Variants in CYTH1 observed in about 807,000 individuals in gnomAD.
CYTH1 encodes the protein cytohesin 1.
In CYTH1, 18 loss-of-function variants were observed where a neutral mutation model predicts 61.8. The ratio of observed to expected loss-of-function variants is 0.29; its 90% CI spans 0.20 to 0.43. The LOEUF is 0.43. CYTH1 is among the 20% of genes least tolerant of loss of function. The pLI is 1.00. For synonymous variants in CYTH1, 174 were observed against 184.3 expected (o/e 0.94, Z 0.45); for missense variants, 336 against 510.5 (o/e 0.66, Z 3.29).
intron 1 of CYTH1, among the ~76,000 whole-genome samples, chr17:78,744,502 T>G (rs1049338388): frequency 2.6e-5 from 4 of 152,204 alleles, no homozygotes; most frequent in Non-Finnish European, 4.4e-5. Context: ...CAAAGACTTG[T>G]CCAGCCTCTG....
chr17:78,764,495 T>C (rs1012660542), intron 1 of CYTH1, among the ~76,000 whole-genome samples: 4 of 152,088 alleles, frequency 2.6e-5, no homozygotes, highest in Admixed American at 6.6e-5. Flanking sequence ...TACTGAAATC[T>C]CTGAATGCAT....
At position 78,693,323 on chromosome 17, in the gene CYTH1, A is replaced by G. The variant is rs967854757; in HGVS notation, c.815-830T>C. On this transcript the variant is annotated intron_variant, in intron 10 of 13. Coordinates refer to ENST00000446868, the MANE Select transcript of CYTH1 (RefSeq NM_004762.6). ...TTGGTTCTTTTTAGTATTTCTCAGC[A>G]CAAAACACTGGGGTCATGGCTAGGC... is the stretch of plus-strand genomic sequence containing the variant. Among the ~76,000 whole-genome samples, 6 of 152,244 alleles carry G rather than the reference A, an allele frequency of 3.9e-5. No individual in the cohort carries two copies. The East Asian group carries it at 9.7e-4, about 25-fold the overall frequency.
intron 2 of CYTH1, chr17:78,709,223 G>A (rs895323914): frequency 3.6e-5 from 6 of 166,568 alleles, no homozygotes; most frequent in African/African-American, 1.2e-4. Flanking sequence ...AGAAACTGAA[G>A]TTCAAGGAAC....
At chr17:78,732,733 A>C (rs544154520) in intron 1 of CYTH1, among the ~76,000 whole-genome samples, 1 of 152,296 alleles carries the variant, frequency 6.6e-6, no homozygotes, top group Admixed American at 6.5e-5. Context: ...CTTCCTGCAA[A>C]CACCACAACC....
intron 6 of CYTH1, among the ~76,000 whole-genome samples, chr17:78,701,115 T>C (rs1455915885): frequency 2.0e-5 from 3 of 152,194 alleles, no homozygotes; most frequent in African/African-American, 7.2e-5. Context: ...AAGATTGTCT[T>C]GTCAAAGCAT....
At chr17:78,683,737 G>C (rs940977206) in intron 11 of CYTH1, among the ~76,000 whole-genome samples, 10 of 152,320 alleles carry the variant, frequency 6.6e-5, no homozygotes, top group Admixed American at 5.9e-4. Flanking sequence ...TGGGTGGTGG[G>C]GACAGGCCCT....
intron 11 of CYTH1, among the ~76,000 whole-genome samples, chr17:78,683,650 C>G (rs2092786510): frequency 6.6e-6 from 1 of 152,232 alleles, no homozygotes; most frequent in Non-Finnish European, 1.5e-5. Flanking sequence ...ATGCCCCCAC[C>G]TTCAACTGGG....
At chr17:78,696,692 T>C (rs534293322) in intron 9 of CYTH1, 1 of 152,400 alleles carries the variant, frequency 6.6e-6, no homozygotes, top group Non-Finnish European at 1.5e-5. Context: ...TTTTCTCTTT[T>C]TTAAAATACG....
At chr17:78,682,793 G>A (rs2092776937) in intron 11 of CYTH1, among the ~76,000 whole-genome samples, 1 of 152,184 alleles carries the variant, frequency 6.6e-6, no homozygotes, top group Non-Finnish European at 1.5e-5. Flanking sequence ...GCCGTCCTCT[G>A]TGTCCTCAGT....
At position 78,780,840 on chromosome 17, in the gene CYTH1, C is replaced by T. The variant is rs1051394180; in HGVS notation, c.22+1362G>A. 2.0e-5 allele frequency among the ~76,000 whole-genome samples: 3 copies of T among 152,084 alleles called. No individual in the cohort carries two copies. In the East Asian group the frequency reaches 5.8e-4, roughly 29 times the overall value. On this transcript the variant is annotated intron_variant, in intron 1 of 13. Coordinates refer to ENST00000446868, the MANE Select transcript of CYTH1 (RefSeq NM_004762.6). The stretch of plus-strand genomic sequence containing the variant: ...TGGCCAACATGGCAAAACCCTGTCT[C>T]TACTAAAAATACAACAATTAGACAG...
At chr17:78,781,680 G>C (rs1336512118) in intron 1 of CYTH1, among the ~76,000 whole-genome samples, 3 of 152,104 alleles carry the variant, frequency 2.0e-5, no homozygotes, top group Non-Finnish European at 4.4e-5. Flanking sequence ...ACTCGCTGAC[G>C]CCGAGAGCGG....
At chr17:78,676,903 CACTT>C in intron 13 of CYTH1, 1 of 431,544 alleles carries the variant, frequency 2.3e-6, no homozygotes, top group South Asian at 1.6e-5. Flanking sequence ...AAAGTCCTGA[CACTT>C]AATTTCTTTC....
chr17:78,688,462 G>C (rs1359302416), intron 11 of CYTH1, among the ~76,000 whole-genome samples: 2 of 152,210 alleles, frequency 1.3e-5, no homozygotes, highest in Non-Finnish European at 2.9e-5. Context: ...ATCTGCTGCT[G>C]TTTCATCAAT....
intron 1 of CYTH1, among the ~76,000 whole-genome samples, chr17:78,747,892 C>A (rs911060035): frequency 2.6e-5 from 4 of 152,140 alleles, no homozygotes; most frequent in Non-Finnish European, 4.4e-5. Context: ...AAAACTATAT[C>A]TATGTTCCAC....
In CYTH1 at chr17:78,680,078, A is replaced by C. The variant is rs574596874; in HGVS notation, c.1118+112T>G. The C allele has an allele frequency of 9.2e-6, 13 of 1,415,912 alleles. No individual in the cohort carries two copies. The African/African-American group carries it at 1.9e-4, about 20-fold the overall frequency. 87.7% of individuals were successfully genotyped at this position (1,415,912 alleles called of 1,614,324 possible). ...GAACCAGGACGAAGCTTCCCTAAGA[A>C]CTTGGAGCACAGAAGAGATGCGGGC... On this transcript the variant is annotated intron_variant, in intron 13 of 13. Transcript: ENST00000446868.
Position 78,700,520 on chromosome 17 carries a change from ATTTT to A in CYTH1, c.438-81_438-78del. 9.5e-7 allele frequency: 1 copy of A among 1,050,552 alleles called. No homozygotes were observed. Among genetic ancestry groups the A allele is most frequent in the Admixed American group, 3.1e-5 (1 of 32,704 alleles). 65.1% of individuals were successfully genotyped at this position (1,050,552 alleles called of 1,614,324 possible). ...TCTATGAATTGTTAAACTGCCAATG[ATTTT>A]TTTTTTCTTTTTTTTTTTGAGATGG... is the stretch of plus-strand genomic sequence containing the variant. On this transcript the variant is annotated intron_variant, in intron 6 of 13. Transcript: ENST00000446868. This position sits in a 1 kb window ranked among gnomAD's most constrained non-coding sequence, Gnocchi z 5.1.
At chr17:78,771,531 C>T (rs2093471225) in intron 1 of CYTH1, among the ~76,000 whole-genome samples, 1 of 151,856 alleles carries the variant, frequency 6.6e-6, no homozygotes, top group African/African-American at 2.4e-5. Context: ...AGGAGATAGA[C>T]ACCATCCTGG....
At chr17:78,693,377 C>T (rs35772419) in intron 10 of CYTH1, among the ~76,000 whole-genome samples, 3,270 of 152,144 alleles carry the variant, frequency 0.021, 70 homozygotes, top group Non-Finnish European at 0.03. Flanking sequence ...AATCCCAGCA[C>T]TCTGGGAGGT....
intron 1 of CYTH1, among the ~76,000 whole-genome samples, chr17:78,757,006 T>G (rs965765238): frequency 2.7e-5 from 4 of 148,702 alleles, no homozygotes; most frequent in Non-Finnish European, 6.0e-5. Flanking sequence ...TTTTTTTTTT[T>G]GAGATGGAGT....
Sources: gnomAD v4.1 joint callset for allele counts (sites outside exome capture counted in the v4.1 genomes callset) on GRCh38, gnomAD v4.1.1 for gene constraint, Gnocchi (gnomAD v3.1) non-coding constraint, MANE v1.5 for transcripts, NCBI Gene and HGNC (gene_info 2026-07-23, HGNC 2026-07-21) for gene names.